ABCA12: variants seen among roughly 807,000 people sequenced by gnomAD.
ABCA12 encodes the protein glucosylceramide transporter ABCA12.
In ABCA12, 156 loss-of-function variants were observed where a neutral mutation model predicts 293.5. That is an observed-to-expected ratio of 0.53 (90% confidence interval 0.47 to 0.61). ABCA12 has a LOEUF of 0.61. Ranked by LOEUF, ABCA12 falls within the 20% of genes least tolerant of loss-of-function variation. The pLI is 0.00. For synonymous variants in ABCA12, 1,063 were observed against 1,108.0 expected, an observed-to-expected ratio of 0.96 and a Z score of 0.81; for missense variants, 2,797 against 3,090.2, an observed-to-expected ratio of 0.91 and a Z score of 2.25.
intron 2 of ABCA12, among the ~76,000 whole-genome samples, chr2:215,104,154 C>CT (rs1702415487): frequency 6.6e-6 from 1 of 152,078 alleles, no homozygotes; most frequent in African/African-American, 2.4e-5. Flanking sequence ...CATTTGGTTC[C>CT]CATGGCCGAT....
At chr2:214,990,177 C>CA (rs1699881572) in intron 24 of ABCA12, among the ~76,000 whole-genome samples, 2 of 152,136 alleles carry the variant, frequency 1.3e-5, no homozygotes, top group South Asian at 4.1e-4. Flanking sequence ...ATGAAATTAG[C>CA]TTCTGCTTTC....
intron 8 of ABCA12, among the ~76,000 whole-genome samples, chr2:215,033,485 C>T (rs1462758636): frequency 6.6e-6 from 1 of 151,978 alleles, no homozygotes; most frequent in Non-Finnish European, 1.5e-5. Flanking sequence ...ACAGACTTGA[C>T]CCTGAAGTTA....
intron 2 of ABCA12, among the ~76,000 whole-genome samples, chr2:215,077,292 C>G (rs536404390): frequency 1.2e-4 from 18 of 152,184 alleles, no homozygotes; most frequent in Non-Finnish European, 2.2e-4. Context: ...TCGGCCATAA[C>G]TAGGTTTTAG....
chr2:214,993,205 C>T (rs577534231), intron 23 of ABCA12, among the ~76,000 whole-genome samples: 1 of 152,308 alleles, frequency 6.6e-6, no homozygotes, highest in East Asian at 1.9e-4. Flanking sequence ...CCCTCTTTCT[C>T]ACCTTCTTCT....
Position 214,953,488 on chromosome 2 carries a change from A to G in ABCA12, c.6647+366T>C, listed in dbSNP as rs182319810. On this transcript the variant is annotated intron_variant, in intron 44 of 52. Coordinates refer to ENST00000272895, the MANE Select transcript of ABCA12 (RefSeq NM_173076.3). ...TCATTGCCAACATGCTCCACACTCA[A>G]TCCTCTTTCCCCATTTCTGCCTTGA... Among the ~76,000 whole-genome samples the G allele has an allele frequency of 1.6e-3, 242 of 152,198 alleles. 1 individual carries two copies. The highest frequency in any genetic ancestry group is 3.5e-3 in the Admixed American group (54 of 15,294).
At chr2:215,086,884 AAG>A (rs1702050354) in intron 2 of ABCA12, among the ~76,000 whole-genome samples, 1 of 151,968 alleles carries the variant, frequency 6.6e-6, no homozygotes, top group African/African-American at 2.4e-5. Context: ...GTAGGGGACA[AAG>A]ACCCACAGAA....
Position 214,978,405 on chromosome 2 carries a change from G to A in ABCA12, c.5039C>T (p.Thr1680Ile). The change falls in exon 33 of 53, where the codon ACA becomes ATA. Residue 1680 changes from threonine (T) to isoleucine (I), a missense_variant. Thr to Ile is a moderately conservative substitution (Grantham distance 89). This residue lies in a region of ABCA12 where 2,130 missense variants were observed against 2,427.0 expected (regional missense o/e 0.88). Coordinates refer to ENST00000272895, the MANE Select transcript of ABCA12 (RefSeq NM_173076.3). ...KNSAMSLEHL[T>I]QKKIGNSNAN... ...ATTGGAATTCCCAATTTTCTTTTGT[G>A]TTAAGTGCTCAAGACTCATAGCACT... is the stretch of plus-strand genomic sequence containing the variant. The A allele has an allele frequency of 1.7e-5, 27 of 1,613,922 alleles. No homozygotes were observed. The highest frequency in any genetic ancestry group is 2.1e-5 in the Non-Finnish European group (25 of 1,179,932).
intron 3 of ABCA12, among the ~76,000 whole-genome samples, chr2:215,058,270 C>A (rs905024871): frequency 6.6e-6 from 1 of 151,960 alleles, no homozygotes; most frequent in African/African-American, 2.4e-5. Context: ...TCACTGGCAT[C>A]TAGTGAGTAG....
intron 11 of ABCA12, 34 bp from the exon 12 acceptor site, chr2:215,019,830 T>C: frequency 6.2e-7 from 1 of 1,601,926 alleles, no homozygotes; most frequent in Non-Finnish European, 8.5e-7. Context: ...GGAAATAGAT[T>C]AGTTACATTT....
At chr2:215,004,076 T>A in intron 20 of ABCA12, 133 bp downstream of exon 20, 1 of 699,066 alleles carries the variant, frequency 1.4e-6, no homozygotes, top group Non-Finnish European at 2.5e-6. Context: ...ATATCCAGGG[T>A]CTCATTTTTC....
At chr2:214,976,062 A>G (rs755439466) in intron 33 of ABCA12, 25 bp from the exon 34 acceptor site, 16 of 1,613,588 alleles carry the variant, frequency 9.9e-6, no homozygotes, top group Non-Finnish European at 1.4e-5. Context: ...GAGATTGGAT[A>G]TGGTTCTGGG....
chr2:215,090,135 C>T (rs1702113217), intron 2 of ABCA12, among the ~76,000 whole-genome samples: 1 of 152,158 alleles, frequency 6.6e-6, no homozygotes, highest in Non-Finnish European at 1.5e-5. Context: ...AGAACAACCC[C>T]CTTTGACTGT....
At chr2:215,115,435 A>G (rs1702664687) in intron 1 of ABCA12, among the ~76,000 whole-genome samples, 1 of 152,228 alleles carries the variant, frequency 6.6e-6, no homozygotes, top group South Asian at 2.1e-4. Context: ...CCAATAGGCC[A>G]TGACTTTTTT....
chr2:215,126,126 T>C (rs1575060745), intron 1 of ABCA12, among the ~76,000 whole-genome samples: 1 of 152,216 alleles, frequency 6.6e-6, no homozygotes, highest in East Asian at 1.9e-4. Flanking sequence ...AAACCATCCC[T>C]GCATCCCTGG....
intron 3 of ABCA12, among the ~76,000 whole-genome samples, chr2:215,062,179 GT>G (rs2106070909): frequency 6.6e-6 from 1 of 152,042 alleles, no homozygotes; most frequent in South Asian, 2.1e-4. Flanking sequence ...TCCTATTATT[GT>G]TATTGATTTA....
chr2:215,038,203 T>C (rs531305670), intron 7 of ABCA12, among the ~76,000 whole-genome samples: 1 of 152,266 alleles, frequency 6.6e-6, no homozygotes, highest in African/African-American at 2.4e-5. Context: ...TAAACATACA[T>C]AAAAATATAT....
chr2:215,109,425 C>A (rs1285613643), intron 2 of ABCA12, among the ~76,000 whole-genome samples: 2 of 152,086 alleles, frequency 1.3e-5, no homozygotes, highest in Non-Finnish European at 2.9e-5. Flanking sequence ...TAATAACAAA[C>A]CAAAAAACTA....
chr2:215,090,384 A>T (rs1702119153), intron 2 of ABCA12, among the ~76,000 whole-genome samples: 2 of 152,104 alleles, frequency 1.3e-5, no homozygotes, highest in African/African-American at 2.4e-5. Context: ...CTGTGAGGAG[A>T]TCCACCTACC....
At chr2:215,119,492 G>T (rs1414666303) in intron 1 of ABCA12, among the ~76,000 whole-genome samples, 1 of 152,032 alleles carries the variant, frequency 6.6e-6, no homozygotes, top group Non-Finnish European at 1.5e-5. Context: ...TATGGGGAAA[G>T]GTACGGGTCC....
Sources: allele counts gnomAD v4.1 joint callset (sites outside exome capture counted in the v4.1 genomes callset), GRCh38; gene constraint gnomAD v4.1.1; regional missense constraint gnomAD v4.1.1; transcripts MANE v1.5; gene names NCBI Gene and HGNC (gene_info 2026-07-23, HGNC 2026-07-21).